The following TRMT44 variants were observed in gnomAD, a reference collection of about 807,000 sequenced individuals.
TRMT44 encodes probable tRNA (uracil-O(2)-)-methyltransferase.
Under a neutral mutation model 77.3 loss-of-function variants are expected in TRMT44, and 78 were observed. The ratio of observed to expected loss-of-function variants is 1.01; its 90% confidence interval spans 0.84 to 1.22. TRMT44 has a LOEUF of 1.22. TRMT44 is among the 50% of genes most tolerant of loss of function. The pLI, the probability that TRMT44 is intolerant of heterozygous loss-of-function variation, is 0.00. For missense variants in TRMT44, 1,090 were observed against 964.4 expected, an observed-to-expected ratio of 1.13 and a Z score of -1.73; for synonymous variants, 391 against 383.3, an observed-to-expected ratio of 1.02 and a Z score of -0.23.
chr4:8,458,752 G>A lies in TRMT44; in HGVS notation c.1203+3939G>A, dbSNP rs1348784507. ...TTACAGGTGTGAACCACTGCAGCCA[G>A]CCACGATTTTCTTAATAACATTTTC... is the stretch of plus-strand genomic sequence containing the variant. On this transcript the variant is annotated intron_variant, in intron 6 of 10. Transcript: ENST00000389737. 2.0e-5 allele frequency among the ~76,000 whole-genome samples: 3 copies of A among 152,148 alleles called. No homozygotes were observed. In the East Asian group the frequency reaches 5.8e-4, roughly 29 times the overall value.
At chr4:8,496,412 A>G (rs1728152109), downstream of TRMT44, among the ~76,000 whole-genome samples, 1 of 152,172 alleles carries the variant, frequency 6.6e-6, no homozygotes, top group Non-Finnish European at 1.5e-5. Context: ...CATCTGTTAG[A>G]TGGTGGTGGA....
intron 10 of TRMT44, among the ~76,000 whole-genome samples, chr4:8,472,770 G>GTGCTGGCTGGGCTGGGCC (rs200566126): frequency 1.3e-5 from 2 of 152,154 alleles, no homozygotes; most frequent in Non-Finnish European, 1.5e-5. Context: ...TGGGCCTGCA[G>GTGCTGGCTGGGCTGGGCC]TGCTGGCTGG....
Position 8,449,999 on chromosome 4 carries a change from C to A in TRMT44, c.954+111C>A, listed in dbSNP as rs562531628. On this transcript the variant is annotated intron_variant, in intron 3 of 10. Coordinates refer to ENST00000389737, the MANE Select transcript of TRMT44 (RefSeq NM_152544.3). ...TGCGACAGTCTTGTTCTGTCACCCC[C>A]CCAAAAAAAAGGGCCAGAGTGAAGT... is the stretch of plus-strand genomic sequence containing the variant. 87 of 632,446 alleles carry A rather than the reference C, an allele frequency of 1.4e-4. 1 individual carries two copies. The South Asian group carries it at 1.9e-3, about 14-fold the overall frequency. 39.2% of individuals were successfully genotyped at this position (632,446 alleles called of 1,614,324 possible).
Position 8,475,810 on chromosome 4 carries a change from G to A in TRMT44, c.2083G>A (p.Glu695Lys), listed in dbSNP as rs1313675034. 1.2e-6 allele frequency: 2 copies of A among 1,614,170 alleles called. No individual in the cohort carries two copies. The highest frequency in any genetic ancestry group is 1.7e-6 in the Non-Finnish European group (2 of 1,180,042). ...GRVHIRDWRE[E>K]TLWKTKQPEA... ...AGTTCACATCCGCGACTGGCGAGAG[G>A]AGACACTGTGGAAGACAAAGCAACC... Residue 695 changes from glutamate to lysine, a missense_variant, in exon 11 of 11, where the codon GAG becomes AAG. By Grantham distance (56) the Glu-to-Lys change is moderately conservative. Transcript: ENST00000389737.
rs1480323210 is a variant in TRMT44, at chr4:8,465,387, C to G, written c.1320C>G (p.Tyr440Ter). 2 of 1,611,328 alleles carry G rather than the reference C, an allele frequency of 1.2e-6. No homozygotes were observed. Among genetic ancestry groups the G allele is most frequent in the Non-Finnish European group, 1.7e-6 (2 of 1,179,000 alleles). ...TTGGTTCTTTTTGAAGGTCTTCCTA[C>G]AATTGCCGCTTCTTTGTCCTCCCCT... ...WIPVIAARSS[Y>*]NCRFFVLPCC... is the part of the protein sequence containing the mutation. Residue 440 changes from tyrosine to a stop codon, truncating the protein, a stop_gained, in exon 8 of 11, where the codon TAC becomes TAG. Coordinates refer to ENST00000389737, the MANE Select transcript of TRMT44 (RefSeq NM_152544.3). LOFTEE classifies it high-confidence loss of function.
chr4:8,443,983 T>C (rs1449801748), intron 1 of TRMT44, among the ~76,000 whole-genome samples: 2 of 151,688 alleles, frequency 1.3e-5, no homozygotes, highest in Non-Finnish European at 2.9e-5. Flanking sequence ...GGAATGTGAC[T>C]AAGAAATCTT....
intron 6 of TRMT44, among the ~76,000 whole-genome samples, chr4:8,458,445 T>TATG (rs1725946610): frequency 6.6e-6 from 1 of 151,412 alleles, no homozygotes; most frequent in East Asian, 1.9e-4. Flanking sequence ...TTCTCTTTCT[T>TATG]ATGATTTTCT....
intron 6 of TRMT44, among the ~76,000 whole-genome samples, chr4:8,463,151 G>A (rs1355156584): frequency 6.6e-6 from 1 of 152,154 alleles, no homozygotes; most frequent in Non-Finnish European, 1.5e-5. Context: ...TATGATCAGG[G>A]AATAACTTCT....
chr4:8,471,048 T>A, intron 9 of TRMT44, 36 bp from the exon 10 acceptor site: 2 of 1,459,606 alleles, frequency 1.4e-6, no homozygotes, highest in Non-Finnish European at 1.9e-6. Flanking sequence ...TATTTTGCTG[T>A]TGTTTTGGGG....
Position 8,440,830 on chromosome 4 carries a change from A to C in TRMT44, c.8A>C (p.Glu3Ala). 6.7e-7 allele frequency: 1 copy of C among 1,483,890 alleles called. No individual in the cohort carries two copies. The highest frequency in any genetic ancestry group is 8.9e-7 in the Non-Finnish European group (1 of 1,120,778). 91.9% of individuals were successfully genotyped at this position (1,483,890 alleles called of 1,614,324 possible). The change falls in exon 1 of 11, where the codon GAG becomes GCG. Residue 3 changes from glutamate (E) to alanine (A), a missense_variant. Physicochemically the swap from Glu to Ala is moderately radical, Grantham distance 107. Coordinates refer to ENST00000389737, the MANE Select transcript of TRMT44 (RefSeq NM_152544.3). The part of the protein sequence containing the change: MA[E>A]VGRTGISYPG... ...GTACACCTGCTGGCTGCCATGGCTG[A>C]GGTGGGCCGTACCGGGATCAGCTAC...
In TRMT44 at chr4:8,447,618, C is replaced by T. The variant is rs12512006; in HGVS notation, c.734+1028C>T. Among the ~76,000 whole-genome samples the T allele has an allele frequency of 8.8e-3, 1,337 of 152,314 alleles. 6 individuals are homozygous for T. The highest frequency in any genetic ancestry group is 0.033 in the South Asian group (161 of 4,828). On this transcript the variant is annotated intron_variant, in intron 2 of 10. Coordinates refer to ENST00000389737, the MANE Select transcript of TRMT44 (RefSeq NM_152544.3). ...AATGGGTTTAATCATTCCTGAGCCT[C>T]TGAGGAGGTGGCAGGGCTGGGCCTC...
the TRMT44 span, among the ~76,000 whole-genome samples, chr4:8,506,534 G>A: frequency 6.6e-6 from 1 of 152,234 alleles, no homozygotes; most frequent in Admixed American, 6.5e-5. Flanking sequence ...AACCTTTGGT[G>A]CTGGGCTCTG....
chr4:8,490,959 C>A (rs964651014), intron 2 of TRMT44, among the ~76,000 whole-genome samples: 4 of 152,030 alleles, frequency 2.6e-5, no homozygotes, highest in Admixed American at 2.0e-4. Flanking sequence ...CTCCGAGGCC[C>A]CACCAGAGCA....
intron 2 of TRMT44, among the ~76,000 whole-genome samples, chr4:8,449,415 G>T (rs1423910910): frequency 6.6e-6 from 1 of 152,194 alleles, no homozygotes; most frequent in Non-Finnish European, 1.5e-5. Context: ...GCCTTTATTT[G>T]TTCAGCCGCC....
At chr4:8,456,234 A>G (rs1725803469) in intron 6 of TRMT44, among the ~76,000 whole-genome samples, 1 of 152,190 alleles carries the variant, frequency 6.6e-6, no homozygotes. Flanking sequence ...CAAGTGCCCA[A>G]TTAAAATGCT....
At chr4:8,470,263 G>A (rs754976816) in intron 9 of TRMT44, among the ~76,000 whole-genome samples, 19 of 152,176 alleles carry the variant, frequency 1.2e-4, no homozygotes, top group Non-Finnish European at 2.6e-4. Flanking sequence ...CTGCGACAGC[G>A]GCTGCCAGCA....
In TRMT44 at chr4:8,476,056, C is replaced by T. The variant is rs1727365080; in HGVS notation, c.*55C>T. On this transcript the variant is annotated 3_prime_UTR_variant, in exon 11 of 11. Coordinates refer to ENST00000389737, the MANE Select transcript of TRMT44 (RefSeq NM_152544.3). ...GGGGAGGCCAAACCAAGGAGAGCTT[C>T]CCCAGCAGTCGTCAGTGCTGTGGTC... 2 of 1,544,240 alleles carry T rather than the reference C, an allele frequency of 1.3e-6. No homozygotes were observed. The highest frequency in any genetic ancestry group is 4.5e-5 in the East Asian group (2 of 44,486).
Position 8,454,731 on chromosome 4 carries a change from A to T in TRMT44, c.1132-11A>T. ...AGGTTAACCTTTGATTTCTAAAATT[A>T]ATTTTTTCAGCATCCAGGCAGAGGG... On this transcript the variant is annotated splice_polypyrimidine_tract_variant and intron_variant, in intron 5 of 10. Transcript: ENST00000389737. 6.2e-7 allele frequency: 1 copy of T among 1,613,858 alleles called. No individual in the cohort carries two copies. The highest frequency in any genetic ancestry group is 8.5e-7 in the Non-Finnish European group (1 of 1,179,722).
Position 8,440,801 on chromosome 4 carries a change from G to C in TRMT44, c.-22G>C. On this transcript the variant is annotated 5_prime_UTR_variant, in exon 1 of 11. Coordinates refer to ENST00000389737, the MANE Select transcript of TRMT44 (RefSeq NM_152544.3). ...CGTCATCTCGGCGCGCCGCTGCCAGGGCTGTACACCTGCTGGCTGCCATGG... is the reference window on the plus strand; with the variant it reads ...CGTCATCTCGGCGCGCCGCTGCCAGCGCTGTACACCTGCTGGCTGCCATGG... 7.0e-7 allele frequency: 1 copy of C among 1,420,998 alleles called. No individual in the cohort carries two copies. The highest frequency in any genetic ancestry group is 1.5e-5 in the South Asian group (1 of 66,936). 88.0% of individuals were successfully genotyped at this position (1,420,998 alleles called of 1,614,324 possible). A position where few individuals can be genotyped will look rare whatever the true frequency, so the allele number is the denominator to read the frequency against.
Sources: gnomAD v4.1 joint callset for allele counts (sites outside exome capture counted in the v4.1 genomes callset) on GRCh38, gnomAD v4.1.1 for gene constraint, MANE v1.5 for transcripts, NCBI Gene and HGNC (gene_info 2026-07-23, HGNC 2026-07-21) for gene names.